Variants in LRRC7 observed in about 807,000 individuals in gnomAD.
The protein encoded by LRRC7 is leucine rich repeat containing 7.
A neutral mutation model predicts 175.7 loss-of-function variants in LRRC7; 23 were observed. That is an observed-to-expected ratio of 0.13 (90% CI 0.09 to 0.19). LRRC7 has a LOEUF of 0.19. Ranked by LOEUF, LRRC7 falls within the 10% of genes least tolerant of loss-of-function variation. The pLI, the probability that LRRC7 is intolerant of heterozygous loss-of-function variation, is 1.00. For synonymous variants in LRRC7, 685 were observed against 680.9 expected (o/e 1.01, Z -0.09); for missense variants, 1,354 against 1,904.7 (o/e 0.71, Z 5.38).
chr1:69,799,186 A>T (rs966018919), intron 4 of LRRC7, among the ~76,000 whole-genome samples: 2 of 150,194 alleles, frequency 1.3e-5, no homozygotes, highest in African/African-American at 4.9e-5. Context: ...GCCATTTGTC[A>T]TAAAGAAGTT....
chr1:69,668,617 T>C (rs1400011340), intron 1 of LRRC7, among the ~76,000 whole-genome samples: 1 of 152,256 alleles, frequency 6.6e-6, no homozygotes, highest in Non-Finnish European at 1.5e-5. Flanking sequence ...TGTGTGCATT[T>C]GTCTTTATAG....
intron 7 of LRRC7, among the ~76,000 whole-genome samples, chr1:69,896,185 GTACA>G (rs1052943421): frequency 1.3e-5 from 2 of 151,904 alleles, no homozygotes; most frequent in African/African-American, 4.8e-5. Context: ...CATAATAGAT[GTACA>G]TATTTTCAGG....
At chr1:69,931,713 G>T in intron 8 of LRRC7, 143 bp downstream of exon 8, 2 of 696,700 alleles carry the variant, frequency 2.9e-6, no homozygotes, top group Middle Eastern at 2.9e-4. Flanking sequence ...GTTAATATTA[G>T]CTTTCACTTT....
chr1:69,569,932 A>T (rs1645670220), intron 1 of LRRC7, among the ~76,000 whole-genome samples: 3 of 141,082 alleles, frequency 2.1e-5, no homozygotes, highest in South Asian at 2.4e-4. Flanking sequence ...AAAAAAAGCG[A>T]TGGGGGTGGG....
In LRRC7 at chr1:69,599,139, A is replaced by AT. The variant is rs1264586956; in HGVS notation, c.2+30499dup. Reference sequence around the variant, plus strand: ...AGGTAGACATTATCTCAGTTTTACAATAAAAAAAAAAGGGCCAGATAGGAT... The same window carrying AT: ...AGGTAGACATTATCTCAGTTTTACAATTAAAAAAAAAAGGGCCAGATAGGAT... On this transcript the variant is annotated intron_variant, in intron 1 of 26. Transcript: ENST00000651989. 4.8e-5 allele frequency among the ~76,000 whole-genome samples: 7 copies of AT among 144,632 alleles called. No individual in the cohort carries two copies. The South Asian group carries it at 6.7e-4, about 14-fold the overall frequency. 94.9% of individuals were successfully genotyped at this position (144,632 alleles called of 152,430 possible).
At chr1:69,722,513 T>C (rs184562306) in intron 2 of LRRC7, among the ~76,000 whole-genome samples, 135 of 152,166 alleles carry the variant, frequency 8.9e-4, no homozygotes, top group Admixed American at 1.6e-3. Flanking sequence ...CATAATGTAG[T>C]GAATAAGACT....
At chr1:69,795,371 T>A in intron 4 of LRRC7, among the ~76,000 whole-genome samples, 1 of 122,754 alleles carries the variant, frequency 8.1e-6, no homozygotes. Flanking sequence ...CAAGACACCG[T>A]CTCGAAAAAA....
intron 7 of LRRC7, chr1:69,875,096 CAGCTT>C (rs1472104996): frequency 2.0e-5 from 3 of 152,026 alleles, no homozygotes; most frequent in Non-Finnish European, 4.4e-5. Context: ...CCAATTTATT[CAGCTT>C]TCCGAAATTT....
In LRRC7 at chr1:69,994,511, C is replaced by G. The variant is rs745484060; in HGVS notation, c.932-50C>G. 8 of 1,230,690 alleles carry G rather than the reference C, an allele frequency of 6.5e-6. No individual in the cohort carries two copies. The Admixed American group carries it at 1.2e-4, about 19-fold the overall frequency. 76.2% of individuals were successfully genotyped at this position (1,230,690 alleles called of 1,614,324 possible). A position where few individuals can be genotyped will look rare whatever the true frequency, so the allele number is the denominator to read the frequency against. ...ATGTGATTTCTTTTATATCACATTT[C>G]CTGTCATAATCTGCTCTTATGTATT... On this transcript the variant is annotated intron_variant, in intron 10 of 26. Transcript: ENST00000651989.
chr1:69,712,447 T>C (rs1016167588), intron 2 of LRRC7, among the ~76,000 whole-genome samples: 2 of 151,994 alleles, frequency 1.3e-5, no homozygotes, highest in Non-Finnish European at 2.9e-5. Context: ...CTACTAAAAA[T>C]AGAAAAATTA....
At chr1:70,084,454 G>A (rs1329743003) in intron 24 of LRRC7, among the ~76,000 whole-genome samples, 1 of 152,118 alleles carries the variant, frequency 6.6e-6, no homozygotes, top group Non-Finnish European at 1.5e-5. Flanking sequence ...TTAGCATAAG[G>A]AACTGAATGT....
intron 2 of LRRC7, among the ~76,000 whole-genome samples, chr1:69,707,042 T>G: frequency 6.6e-6 from 1 of 152,148 alleles, no homozygotes; most frequent in Non-Finnish European, 1.5e-5. Flanking sequence ...AAACAAGTTT[T>G]AGAGTGTGGT....
chr1:69,889,450 G>T lies in LRRC7; in HGVS notation c.648-42057G>T, dbSNP rs185039699. On this transcript the variant is annotated intron_variant, in intron 7 of 26. Coordinates refer to ENST00000651989, the MANE Select transcript of LRRC7 (RefSeq NM_001370785.2). ...TATTAATAAGTTTATGTAATATTCTGAATTCTTTCTTGTCATTTCAACAAT... is the reference window on the plus strand; with the variant it reads ...TATTAATAAGTTTATGTAATATTCTTAATTCTTTCTTGTCATTTCAACAAT... Among the ~76,000 whole-genome samples the T allele has an allele frequency of 2.6e-5, 4 of 152,230 alleles. No individual in the cohort carries two copies. In the East Asian group the frequency reaches 7.7e-4, roughly 29 times the overall value.
intron 9 of LRRC7, 71 bp downstream of exon 9, chr1:69,980,524 A>G: frequency 1.7e-6 from 2 of 1,191,680 alleles, no homozygotes; most frequent in Non-Finnish European, 2.4e-6. Flanking sequence ...TCATAATCTC[A>G]ACTCTTAAAT....
intron 4 of LRRC7, among the ~76,000 whole-genome samples, chr1:69,815,512 T>G (rs574178074): frequency 6.6e-5 from 10 of 152,304 alleles, no homozygotes; most frequent in African/African-American, 2.4e-4. Flanking sequence ...AAATGTCATT[T>G]ATTTGGCAGG....
In LRRC7 at chr1:70,125,611, T is replaced by A. The variant is rs931294830; in HGVS notation, c.*3724T>A. On this transcript the variant is annotated 3_prime_UTR_variant, in exon 27 of 27. Transcript: ENST00000651989. ...ATCGAGACCATCCCAGCTAAAACGG[T>A]GAAACCCCGTCTCTACTAAAAATAC... 1.1e-4 allele frequency among the ~76,000 whole-genome samples: 17 copies of A among 151,252 alleles called. 2 individuals carry two copies. Among genetic ancestry groups the A allele is most frequent in the African/African-American group, 4.1e-4 (17 of 41,236 alleles).
chr1:69,640,883 CAA>C (rs1280600607), intron 1 of LRRC7, among the ~76,000 whole-genome samples: 17 of 151,356 alleles, frequency 1.1e-4, no homozygotes, highest in African/African-American at 4.1e-4. Context: ...ATAATATCTA[CAA>C]AGTCATTATT....
In LRRC7 at chr1:70,122,460, T is replaced by C. The variant is rs1460714420; in HGVS notation, c.*573T>C. 1 of 152,118 alleles carries C rather than the reference T, an allele frequency of 6.6e-6. No homozygotes were observed. The highest frequency in any genetic ancestry group is 1.5e-5 in the Non-Finnish European group (1 of 67,974). 9.4% of individuals were successfully genotyped at this position (152,118 alleles called of 1,614,324 possible). A position where few individuals can be genotyped will look rare whatever the true frequency, so the allele number is the denominator to read the frequency against. ...TGAATCTTTTTCAATAAAAATTACA[T>C]GATAATGCCTTATGAAAGTAACTGT... On this transcript the variant is annotated 3_prime_UTR_variant, in exon 27 of 27. Transcript: ENST00000651989.
chr1:70,020,650 A>G (rs947563158), intron 15 of LRRC7, among the ~76,000 whole-genome samples: 2 of 152,084 alleles, frequency 1.3e-5, no homozygotes, highest in African/African-American at 2.4e-5. Flanking sequence ...TGAGATTAGT[A>G]ATACCATTGT....
Sources: gnomAD v4.1 joint callset for allele counts (sites outside exome capture counted in the v4.1 genomes callset) on GRCh38, gnomAD v4.1.1 for gene constraint, MANE v1.5 for transcripts, NCBI Gene and HGNC (gene_info 2026-07-23, HGNC 2026-07-21) for gene names.